The following MAGI2 variants were observed in gnomAD, a reference collection of about 807,000 sequenced individuals.
The protein encoded by MAGI2 is membrane associated guanylate kinase, WW and PDZ domain containing 2, also known as membrane-associated guanylate kinase, WW and PDZ domain-containing protein 2.
Under a neutral mutation model 133.3 loss-of-function variants are expected in MAGI2, and 35 were observed. The ratio of observed to expected loss-of-function variants is 0.26; its 90% CI spans 0.20 to 0.35. MAGI2 has a LOEUF of 0.35. Ranked by LOEUF, MAGI2 falls within the 10% of genes least tolerant of loss-of-function variation. The pLI is 1.00. For synonymous variants in MAGI2, 729 were observed against 710.6 expected, an observed-to-expected ratio of 1.03 and a Z score of -0.41; for missense variants, 1,636 against 1,863.4, an observed-to-expected ratio of 0.88 and a Z score of 2.25.
At chr7:79,012,471 T>C (rs913675955) in intron 1 of MAGI2, among the ~76,000 whole-genome samples, 3 of 152,160 alleles carry the variant, frequency 2.0e-5, no homozygotes, top group Non-Finnish European at 4.4e-5. Context: ...TGTTTTATAT[T>C]TTCTATTATG....
At chr7:78,568,651 G>A (rs1801189920) in intron 3 of MAGI2, among the ~76,000 whole-genome samples, 1 of 152,112 alleles carries the variant, frequency 6.6e-6, no homozygotes, top group South Asian at 2.1e-4. Flanking sequence ...CCACACGACT[G>A]CTTCCTCGCC....
chr7:78,131,200 A>C (rs569506388), intron 18 of MAGI2, among the ~76,000 whole-genome samples: 3 of 152,314 alleles, frequency 2.0e-5, no homozygotes, highest in Non-Finnish European at 4.4e-5. Context: ...GAGCAAACCC[A>C]TCTGGGGCTC....
chr7:79,212,236 C>A (rs946881710), intron 1 of MAGI2, among the ~76,000 whole-genome samples: 1 of 151,956 alleles, frequency 6.6e-6, no homozygotes, highest in Non-Finnish European at 1.5e-5. Flanking sequence ...CCATGGGATG[C>A]ATTTAATTGA....
At chr7:78,552,858 C>T (rs779822333) in intron 3 of MAGI2, among the ~76,000 whole-genome samples, 1 of 152,050 alleles carries the variant, frequency 6.6e-6, no homozygotes, top group Non-Finnish European at 1.5e-5. Context: ...GGGCTAGAAA[C>T]AAGTTCGAAG....
At position 78,256,046 on chromosome 7, in the gene MAGI2, C is replaced by T. The variant is rs1220854646; in HGVS notation, c.1944G>A (p.Glu648=). The change falls in exon 10 of 22, where the codon GAG becomes GAA. Residue 648 remains glutamate, a synonymous_variant. Transcript: ENST00000354212. ...PGLCEGDLIV[E]INQQNVQNLS... Reference sequence around the variant, plus strand: ...GGTTCTGTACATTCTGCTGGTTGATCTCAACAATGAGGTCGCCTTCACACA... The same window carrying T: ...GGTTCTGTACATTCTGCTGGTTGATTTCAACAATGAGGTCGCCTTCACACA... 1 of 1,613,528 alleles carries T rather than the reference C, an allele frequency of 6.2e-7. No individual in the cohort carries two copies. Among genetic ancestry groups the T allele is most frequent in the African/African-American group, 1.3e-5 (1 of 74,886 alleles).
chr7:78,550,126 C>T (rs772102481), intron 3 of MAGI2, among the ~76,000 whole-genome samples: 2 of 152,202 alleles, frequency 1.3e-5, no homozygotes, highest in Non-Finnish European at 2.9e-5. Flanking sequence ...ACCCTATCTG[C>T]CTCGATCTTG....
Position 79,290,817 on chromosome 7 carries a change from A to G in MAGI2, c.301+162203T>C, listed in dbSNP as rs534925121. ...GAATCTTCTGGAAAATATCGTTCTA[A>G]TATGCTCCCTTTCTGTTTTTTAAAA... On this transcript the variant is annotated intron_variant, in intron 1 of 21. Transcript: ENST00000354212. Among the ~76,000 whole-genome samples, 16 of 152,194 alleles carry G rather than the reference A, an allele frequency of 1.1e-4. No individual in the cohort carries two copies. In the Middle Eastern group the frequency reaches 0.01, roughly 97 times the overall value.
At chr7:78,867,826 G>A (rs1427392054) in intron 2 of MAGI2, among the ~76,000 whole-genome samples, 1 of 152,046 alleles carries the variant, frequency 6.6e-6, no homozygotes, top group East Asian at 1.9e-4. Context: ...TGCGGAGAAG[G>A]CAGCAAATTT....
chr7:79,033,522 A>C (rs1810813077), intron 1 of MAGI2, among the ~76,000 whole-genome samples: 1 of 152,202 alleles, frequency 6.6e-6, no homozygotes, highest in Admixed American at 6.5e-5. Context: ...ATTAGTTAGC[A>C]GTGGAATACC....
chr7:78,904,525 C>CTTTTTTT (rs10665131), intron 2 of MAGI2, among the ~76,000 whole-genome samples: 2 of 134,816 alleles, frequency 1.5e-5, no homozygotes, highest in African/African-American at 5.6e-5. Context: ...TAACGCAGTT[C>CTTTTTTT]TTTTTTTTTT....
chr7:79,411,754 G>T lies in MAGI2; in HGVS notation c.301+41266C>A, dbSNP rs115825259. On this transcript the variant is annotated intron_variant, in intron 1 of 21. Coordinates refer to ENST00000354212, the MANE Select transcript of MAGI2 (RefSeq NM_012301.4). Reference sequence around the variant, plus strand: ...GGAAAATAACACCCCTTTCTTTAAAGGGAACAATAGAATCGTGATTGAAGT... The same window carrying T: ...GGAAAATAACACCCCTTTCTTTAAATGGAACAATAGAATCGTGATTGAAGT... The T allele has an allele frequency of 4.1e-3, 631 of 152,124 alleles. 5 individuals are homozygous for T. The highest frequency in any genetic ancestry group is 0.014 in the African/African-American group (577 of 41,526). The allele number at this position is 152,124 out of a possible 1,614,324, so 9.4% of individuals were successfully genotyped here.
chr7:78,941,782 T>C (rs926283229), intron 2 of MAGI2, among the ~76,000 whole-genome samples: 1 of 136,980 alleles, frequency 7.3e-6, no homozygotes, highest in African/African-American at 2.9e-5. Flanking sequence ...ACACTTCTCT[T>C]TACTCATGCT....
chr7:78,730,714 A>G (rs898785000), intron 2 of MAGI2, among the ~76,000 whole-genome samples: 1 of 152,176 alleles, frequency 6.6e-6, no homozygotes, highest in African/African-American at 2.4e-5. Flanking sequence ...AAGTAGTACC[A>G]TATATTTATT....
At chr7:79,362,247 C>T (rs1472493237) in intron 1 of MAGI2, among the ~76,000 whole-genome samples, 3 of 151,966 alleles carry the variant, frequency 2.0e-5, no homozygotes, top group Admixed American at 6.6e-5. Context: ...CTATGAGCAA[C>T]GTTATGTTAA....
chr7:78,090,022 C>T (rs1360861552), intron 20 of MAGI2, among the ~76,000 whole-genome samples: 1 of 152,208 alleles, frequency 6.6e-6, no homozygotes, highest in East Asian at 1.9e-4. Flanking sequence ...TTCCTCCACT[C>T]TTCCTTCCTC....
At chr7:78,453,890 AT>A (rs201827771) in intron 6 of MAGI2, among the ~76,000 whole-genome samples, 1 of 151,836 alleles carries the variant, frequency 6.6e-6, no homozygotes, top group African/African-American at 2.4e-5. Context: ...TTTACACAAC[AT>A]TTTTTTCCGT....
At chr7:78,959,565 G>A (rs771518028) in intron 2 of MAGI2, among the ~76,000 whole-genome samples, 28 of 152,222 alleles carry the variant, frequency 1.8e-4, no homozygotes, top group African/African-American at 5.8e-4. Flanking sequence ...CGTCATTGAA[G>A]CAATACATTA....
intron 1 of MAGI2, among the ~76,000 whole-genome samples, chr7:79,157,641 A>T (rs967001722): frequency 1.4e-4 from 21 of 151,908 alleles, no homozygotes; most frequent in Admixed American, 1.2e-3. Context: ...AGCATTCTGT[A>T]TGTTTTATGG....
intron 3 of MAGI2, among the ~76,000 whole-genome samples, chr7:78,576,593 C>G (rs1171145026): frequency 6.8e-6 from 1 of 147,464 alleles, no homozygotes; most frequent in Non-Finnish European, 1.5e-5. Flanking sequence ...CAGAAGACCA[C>G]AGAGGAAGGA....
Sources: gnomAD v4.1 joint callset for allele counts (sites outside exome capture counted in the v4.1 genomes callset) on GRCh38, gnomAD v4.1.1 for gene constraint, MANE v1.5 for transcripts, NCBI Gene and HGNC (gene_info 2026-07-23, HGNC 2026-07-21) for gene names.